The following ABCA13 variants were observed in gnomAD, a reference collection of about 807,000 sequenced individuals.
ABCA13 encodes ATP-binding cassette sub-family A member 13.
ABCA13 carries 476 observed loss-of-function variants against 478.7 expected under a neutral mutation model. That is an observed-to-expected ratio of 0.99 (90% CI 0.92 to 1.07). The LOEUF (loss-of-function observed/expected upper bound fraction) is 1.07. Ranked by LOEUF, ABCA13 falls within the 50% of genes least tolerant of loss-of-function variation. The pLI is 0.00. For synonymous variants in ABCA13, 2,252 were observed against 2,158.9 expected, an observed-to-expected ratio of 1.04 and a Z score of -1.20; for missense variants, 6,060 against 5,910.6, an observed-to-expected ratio of 1.03 and a Z score of -0.83.
intron 42 of ABCA13, among the ~76,000 whole-genome samples, chr7:48,444,382 C>T (rs1824013665): frequency 6.6e-6 from 1 of 152,048 alleles, no homozygotes; most frequent in Non-Finnish European, 1.5e-5. Context: ...TCCCACCATC[C>T]CACTCAAAAG....
At chr7:48,490,853 T>C (rs901046346) in intron 48 of ABCA13, among the ~76,000 whole-genome samples, 15 of 152,134 alleles carry the variant, frequency 9.9e-5, no homozygotes, top group African/African-American at 1.4e-4. Flanking sequence ...CTATGTAATA[T>C]GTTAGGAAGA....
intron 3 of ABCA13, among the ~76,000 whole-genome samples, chr7:48,205,145 T>C (rs1022448268): frequency 2.0e-5 from 3 of 152,232 alleles, no homozygotes; most frequent in African/African-American, 7.2e-5. Flanking sequence ...ATAAAACTTA[T>C]TTTATTTTTA....
At chr7:48,514,001 T>C (rs1831915575) in intron 51 of ABCA13, among the ~76,000 whole-genome samples, 1 of 152,180 alleles carries the variant, frequency 6.6e-6, no homozygotes, top group Admixed American at 6.5e-5. Flanking sequence ...TTGTCAAATA[T>C]TTAAATGACA....
chr7:48,342,155 A>G (rs1807340555), intron 29 of ABCA13, among the ~76,000 whole-genome samples: 1 of 151,844 alleles, frequency 6.6e-6, no homozygotes, highest in Non-Finnish European at 1.5e-5. Flanking sequence ...TGGGTTAATG[A>G]CTTCCAGCTT....
chr7:48,641,547 G>A (rs552526855), intron 59 of ABCA13, among the ~76,000 whole-genome samples: 2 of 152,356 alleles, frequency 1.3e-5, no homozygotes, highest in African/African-American at 4.8e-5. Flanking sequence ...ACTGAGGTTA[G>A]AAAATTTACC....
chr7:48,294,193 T>C (rs1799001588), intron 20 of ABCA13, among the ~76,000 whole-genome samples: 1 of 152,140 alleles, frequency 6.6e-6, no homozygotes, highest in South Asian at 2.1e-4. Context: ...ATATCTGTCA[T>C]CTCAGAGTTA....
At chr7:48,578,217 G>A (rs1047958185) in intron 55 of ABCA13, among the ~76,000 whole-genome samples, 24 of 152,048 alleles carry the variant, frequency 1.6e-4, no homozygotes, top group East Asian at 3.9e-4. Flanking sequence ...GCAGTCCTAC[G>A]TAATGCAATA....
In ABCA13 at chr7:48,644,683, A is replaced by C; in HGVS notation, c.15010A>C (p.Lys5004Gln). The C allele has an allele frequency of 6.2e-7, 1 of 1,612,316 alleles. No homozygotes were observed. Among genetic ancestry groups the C allele is most frequent in the Non-Finnish European group, 8.5e-7 (1 of 1,179,552 alleles). ...ATGGGGATGCCTAGCTGACTTGTTC[A>C]AAGTTATAGAGAACAATAAAACCTT... is the stretch of plus-strand genomic sequence containing the variant. Reference protein sequence around the residue: ...KRWGCLADLFKVIENNKTFLN... With the variant: ...KRWGCLADLFQVIENNKTFLN... The change falls in exon 61 of 62, where the codon AAA (lysine) becomes CAA (glutamine). Residue 5004 changes from lysine to glutamine, a missense_variant. Coordinates refer to ENST00000435803, the MANE Select transcript of ABCA13 (RefSeq NM_152701.5).
At chr7:48,608,375 T>C (rs1353167565) in intron 58 of ABCA13, among the ~76,000 whole-genome samples, 2 of 152,242 alleles carry the variant, frequency 1.3e-5, no homozygotes, top group Non-Finnish European at 2.9e-5. Context: ...CTTTACTGGC[T>C]CCTTTTGTGT....
At chr7:48,518,129 AAT>A (rs1832269992) in intron 52 of ABCA13, among the ~76,000 whole-genome samples, 5 of 152,182 alleles carry the variant, frequency 3.3e-5, no homozygotes, top group Admixed American at 3.3e-4. Flanking sequence ...GATTTATATT[AAT>A]ATGTCTACAC....
intron 28 of ABCA13, 104 bp downstream of exon 28, chr7:48,335,639 A>C: frequency 1.3e-6 from 1 of 762,346 alleles, no homozygotes; most frequent in Non-Finnish European, 2.0e-6. Context: ...CACATCAGGC[A>C]TAGTGGTTCT....
chr7:48,517,489 C>T (rs1360019949), intron 52 of ABCA13, among the ~76,000 whole-genome samples: 1 of 152,154 alleles, frequency 6.6e-6, no homozygotes, highest in East Asian at 1.9e-4. Flanking sequence ...CTCCAATAGG[C>T]CGTTCTGATT....
intron 5 of ABCA13, among the ~76,000 whole-genome samples, chr7:48,226,263 C>G (rs1013050882): frequency 6.6e-6 from 1 of 152,092 alleles, no homozygotes; most frequent in South Asian, 2.1e-4. Flanking sequence ...ATGGAAATTA[C>G]TGAGAATGGT....
At chr7:48,341,936 T>C (rs1386629020) in intron 29 of ABCA13, among the ~76,000 whole-genome samples, 1 of 137,378 alleles carries the variant, frequency 7.3e-6, no homozygotes, top group Admixed American at 7.6e-5. Flanking sequence ...TACTCATATA[T>C]ATATATTCAT....
At chr7:48,465,600 A>G (rs1344975435) in intron 43 of ABCA13, among the ~76,000 whole-genome samples, 1 of 150,414 alleles carries the variant, frequency 6.6e-6, no homozygotes, top group Non-Finnish European at 1.5e-5. Flanking sequence ...TATGGGGTAC[A>G]TGTGATATTT....
At chr7:48,641,011 T>G (rs1017210669) in intron 59 of ABCA13, among the ~76,000 whole-genome samples, 2 of 152,210 alleles carry the variant, frequency 1.3e-5, no homozygotes, top group African/African-American at 4.8e-5. Flanking sequence ...TTTTTCGTAA[T>G]TCATGTTCTT....
rs76146533 is a variant in ABCA13 at position 48,403,595 on chromosome 7, C to T, written c.11874-88C>T. ...TATTTGTGGTTTATAACGATTTCAG[C>T]CACTGTTAGTCATTATTTCTGGAGT... is the stretch of plus-strand genomic sequence containing the variant. On this transcript the variant is annotated intron_variant, in intron 38 of 61. Coordinates refer to ENST00000435803, the MANE Select transcript of ABCA13 (RefSeq NM_152701.5). 454 of 1,317,546 alleles carry T rather than the reference C, an allele frequency of 3.4e-4. 4 individuals carry two copies. Among genetic ancestry groups the T allele is most frequent in the Middle Eastern group, 1.1e-3 (6 of 5,428 alleles). 81.6% of individuals were successfully genotyped at this position (1,317,546 alleles called of 1,614,324 possible). A position where few individuals can be genotyped will look rare whatever the true frequency, so the allele number is the denominator to read the frequency against.
At chr7:48,458,948 A>C (rs1038864328) in intron 43 of ABCA13, among the ~76,000 whole-genome samples, 1 of 152,092 alleles carries the variant, frequency 6.6e-6, no homozygotes, top group African/African-American at 2.4e-5. Context: ...GGAGGAGGAG[A>C]AGTATGGAGC....
Position 48,410,674 on chromosome 7 carries a change from G to T in ABCA13, c.12225G>T (p.Arg4075Ser), listed in dbSNP as rs747848917. The change falls in exon 40 of 62, where the codon AGG becomes AGT. Residue 4075 changes from arginine (R) to serine (S), a missense_variant. Coordinates refer to ENST00000435803, the MANE Select transcript of ABCA13 (RefSeq NM_152701.5). ...AGGGGCTCCGCCTGACACTCACGAG[G>T]CAGGTAAGGAGTGCAACCATTCTAT... Reference protein sequence around the residue: ...YGQGLRLTLTRQPSVLEAHDL... With the variant: ...YGQGLRLTLTSQPSVLEAHDL... 1.9e-6 allele frequency: 3 copies of T among 1,612,536 alleles called. No individual in the cohort carries two copies. Among genetic ancestry groups the T allele is most frequent in the Non-Finnish European group, 2.5e-6 (3 of 1,178,914 alleles).
Sources: gnomAD v4.1 joint callset for allele counts (sites outside exome capture counted in the v4.1 genomes callset) on GRCh38, gnomAD v4.1.1 for gene constraint, MANE v1.5 for transcripts, NCBI Gene and HGNC (gene_info 2026-07-23, HGNC 2026-07-21) for gene names.